CGNL1: variants seen among roughly 807,000 people sequenced by gnomAD.
CGNL1 encodes the protein cingulin like 1.
Under a neutral mutation model 141.2 loss-of-function variants are expected in CGNL1, and 132 were observed. The observed-to-expected ratio is 0.93, with a 90% CI of 0.81 to 1.08. The LOEUF is 1.08. Among genes scored for constraint, CGNL1 ranks in the 50% least tolerant of loss-of-function variants. The probability of loss-of-function intolerance (pLI) is 0.00; values close to 1 mark genes in which losing one functional copy is unlikely to be tolerated. For missense variants in CGNL1, 1,870 were observed against 1,588.6 expected (o/e 1.18, Z -3.01); for synonymous variants, 690 against 622.1 (o/e 1.11, Z -1.63).
At chr15:57,518,298 C>T in intron 9 of CGNL1, 95 bp from the exon 10 acceptor site, 1 of 889,040 alleles carries the variant, frequency 1.1e-6, no homozygotes, top group Non-Finnish European at 1.8e-6. Context: ...ACTGCCATAT[C>T]TATGGGTGTC....
At chr15:57,492,052 G>T (rs2063872016) in intron 8 of CGNL1, among the ~76,000 whole-genome samples, 1 of 152,166 alleles carries the variant, frequency 6.6e-6, no homozygotes, top group African/African-American at 2.4e-5. Context: ...AAAAACTAAG[G>T]AAAGCTCACT....
chr15:57,482,760 G>T (rs972307278), intron 8 of CGNL1, among the ~76,000 whole-genome samples: 1 of 151,220 alleles, frequency 6.6e-6, no homozygotes, highest in Non-Finnish European at 1.5e-5. Flanking sequence ...AGCTATTCTA[G>T]TTACTTTACC....
At chr15:57,377,173 G>A (rs1323135374) in intron 1 of CGNL1, 3 of 152,138 alleles carry the variant, frequency 2.0e-5, no homozygotes, top group African/African-American at 7.2e-5. Context: ...CAGGTACTTG[G>A]CTGTCATGTT....
intron 4 of CGNL1, among the ~76,000 whole-genome samples, chr15:57,447,584 C>T (rs761881467): frequency 4.6e-5 from 7 of 152,062 alleles, no homozygotes; most frequent in Middle Eastern, 3.2e-3. Context: ...TTGACTATGA[C>T]GTGCCTAAGA....
At position 57,409,170 on chromosome 15, in the gene CGNL1, G is replaced by A. The variant is rs371736599; in HGVS notation, c.-15-28815G>A. On this transcript the variant is annotated intron_variant, in intron 1 of 18. Coordinates refer to ENST00000281282, the MANE Select transcript of CGNL1 (RefSeq NM_032866.5). ...CGCGTGTGTGCTGAGGGAACAAAAG[G>A]TCTGAAATCTGGTCCAGGGGAGAGT... is the stretch of plus-strand genomic sequence containing the variant. Among the ~76,000 whole-genome samples, 91 of 152,246 alleles carry A rather than the reference G, an allele frequency of 6.0e-4. No homozygotes were observed. In the South Asian group the frequency reaches 0.017, roughly 29 times the overall value.
chr15:57,463,910 C>A (rs79432428), intron 8 of CGNL1, among the ~76,000 whole-genome samples: 4,758 of 152,244 alleles, frequency 0.031, 221 homozygotes, highest in African/African-American at 0.11. Flanking sequence ...CCTATACTCC[C>A]TTTGGTGGAG....
chr15:57,389,303 AAAC>A (rs2152227854), intron 1 of CGNL1, among the ~76,000 whole-genome samples: 1 of 152,354 alleles, frequency 6.6e-6, no homozygotes, highest in African/African-American at 2.4e-5. Context: ...AAAAAACAAA[AAAC>A]AAACCAAAAA....
intron 13 of CGNL1, among the ~76,000 whole-genome samples, chr15:57,531,095 A>G (rs1374203204): frequency 6.6e-6 from 1 of 152,240 alleles, no homozygotes; most frequent in Non-Finnish European, 1.5e-5. Flanking sequence ...CAATTAGGTT[A>G]GATTAGGAGC....
chr15:57,468,832 C>T (rs1454771224), intron 8 of CGNL1, among the ~76,000 whole-genome samples: 3 of 152,140 alleles, frequency 2.0e-5, no homozygotes, highest in African/African-American at 7.2e-5. Context: ...ATACTGTTCT[C>T]ATGGTAGTGA....
At chr15:57,419,442 G>A (rs1357932249) in intron 1 of CGNL1, among the ~76,000 whole-genome samples, 2 of 152,024 alleles carry the variant, frequency 1.3e-5, no homozygotes, top group African/African-American at 4.8e-5. Flanking sequence ...TTTATTTAAT[G>A]TCCTTTTTCT....
intron 7 of CGNL1, among the ~76,000 whole-genome samples, chr15:57,459,741 G>A (rs1339519538): frequency 6.6e-6 from 1 of 152,180 alleles, no homozygotes; most frequent in African/African-American, 2.4e-5. Flanking sequence ...AGACTAGGAC[G>A]AGAGAAAGTC....
At chr15:57,419,419 C>T (rs1349869881) in intron 1 of CGNL1, among the ~76,000 whole-genome samples, 5 of 151,978 alleles carry the variant, frequency 3.3e-5, no homozygotes, top group East Asian at 3.9e-4. Flanking sequence ...CACTTTATCC[C>T]GATTTTCTTA....
In CGNL1 at chr15:57,547,383, G is replaced by T. The variant is rs1217359233; in HGVS notation, c.3802G>T (p.Asp1268Tyr). ...RLKKLPSKVL[D>Y]DMDDDDDLST... is the part of the protein sequence containing the mutation. The stretch of plus-strand genomic sequence containing the variant: ...GAAGAAGCTGCCGAGTAAAGTGCTG[G>T]ATGACATGGATGACGACGATGACCT... Residue 1268 changes from aspartate to tyrosine, a missense_variant, in exon 19 of 19, where the codon GAT becomes TAT. Physicochemically the swap from Asp to Tyr is radical, Grantham distance 160. Coordinates refer to ENST00000281282, the MANE Select transcript of CGNL1 (RefSeq NM_032866.5). The T allele has an allele frequency of 5.0e-6, 8 of 1,614,118 alleles. No individual in the cohort carries two copies. The highest frequency in any genetic ancestry group is 5.9e-6 in the Non-Finnish European group (7 of 1,180,034).
At chr15:57,425,622 T>G (rs1330010919) in intron 1 of CGNL1, among the ~76,000 whole-genome samples, 1 of 151,782 alleles carries the variant, frequency 6.6e-6, no homozygotes, top group Non-Finnish European at 1.5e-5. Flanking sequence ...GTGCCTGTAG[T>G]CCCAGCTACT....
At chr15:57,524,070 C>T (rs1263321421) in intron 11 of CGNL1, among the ~76,000 whole-genome samples, 1 of 152,216 alleles carries the variant, frequency 6.6e-6, no homozygotes, top group Non-Finnish European at 1.5e-5. Context: ...GGGGTAAAGG[C>T]ACAAAGCTGG....
At chr15:57,497,234 G>T (rs562264330) in intron 8 of CGNL1, among the ~76,000 whole-genome samples, 7 of 152,324 alleles carry the variant, frequency 4.6e-5, no homozygotes, top group African/African-American at 1.7e-4. Context: ...AGGAAAGAAG[G>T]CCTTTGGCAA....
At chr15:57,540,624 C>G (rs2032513492) in intron 14 of CGNL1, among the ~76,000 whole-genome samples, 1 of 152,222 alleles carries the variant, frequency 6.6e-6, no homozygotes, top group African/African-American at 2.4e-5. Context: ...AGCTTACTGT[C>G]TGTGTCCTGG....
chr15:57,383,469 T>G (rs1288853506), intron 1 of CGNL1, among the ~76,000 whole-genome samples: 1 of 151,898 alleles, frequency 6.6e-6, no homozygotes, highest in Non-Finnish European at 1.5e-5. Context: ...CGGCTAATTT[T>G]TTGTATTTTT....
intron 8 of CGNL1, among the ~76,000 whole-genome samples, chr15:57,464,730 C>CTTCT (rs1323119905): frequency 1.4e-5 from 1 of 73,670 alleles, no homozygotes; most frequent in East Asian, 3.6e-4. Context: ...CTTTCCTTTC[C>CTTCT]TTCTTTCTTT....
Sources: allele counts gnomAD v4.1 joint callset (sites outside exome capture counted in the v4.1 genomes callset), GRCh38; gene constraint gnomAD v4.1.1; transcripts MANE v1.5; gene names NCBI Gene and HGNC (gene_info 2026-07-23, HGNC 2026-07-21).